The following PRKCE variants were observed in gnomAD, a reference collection of about 807,000 sequenced individuals.
PRKCE encodes protein kinase C epsilon.
A neutral mutation model predicts 85.4 loss-of-function variants in PRKCE; 16 were observed. The ratio of observed to expected loss-of-function variants is 0.19; its 90% CI spans 0.13 to 0.28. The LOEUF is 0.28. Ranked by LOEUF, PRKCE falls within the 10% of genes least tolerant of loss-of-function variation. The pLI is 1.00. For synonymous variants in PRKCE, 388 were observed against 371.5 expected, an observed-to-expected ratio of 1.04 and a Z score of -0.51; for missense variants, 573 against 975.2, an observed-to-expected ratio of 0.59 and a Z score of 5.49.
intron 10 of PRKCE, among the ~76,000 whole-genome samples, chr2:46,028,767 G>T (rs943343386): frequency 2.6e-5 from 4 of 152,116 alleles, no homozygotes; most frequent in African/African-American, 9.7e-5. Flanking sequence ...CATCACCCAG[G>T]TATTAAGCTT....
chr2:45,715,573 A>G (rs527656331), intron 1 of PRKCE, among the ~76,000 whole-genome samples: 1 of 152,344 alleles, frequency 6.6e-6, no homozygotes, highest in Non-Finnish European at 1.5e-5. Context: ...CATCTCTCCC[A>G]GAGACTTGGC....
At chr2:45,753,371 TGGA>T (rs566420764) in intron 1 of PRKCE, among the ~76,000 whole-genome samples, 124 of 152,364 alleles carry the variant, frequency 8.1e-4, no homozygotes, top group African/African-American at 2.8e-3. Flanking sequence ...AGAAGTTTTA[TGGA>T]GAACTTTACA....
At chr2:45,797,022 T>A (rs1055297581) in intron 1 of PRKCE, among the ~76,000 whole-genome samples, 2 of 152,178 alleles carry the variant, frequency 1.3e-5, no homozygotes, top group African/African-American at 4.8e-5. Context: ...TGAGACACAA[T>A]GGTACAAGAG....
chr2:45,690,125 G>A (rs1187852943), intron 1 of PRKCE, among the ~76,000 whole-genome samples: 2 of 152,120 alleles, frequency 1.3e-5, no homozygotes, highest in African/African-American at 4.8e-5. Flanking sequence ...ATATTGATCT[G>A]CTTTCTTCTT....
At chr2:45,925,818 G>A (rs1490090496) in intron 2 of PRKCE, among the ~76,000 whole-genome samples, 1 of 152,244 alleles carries the variant, frequency 6.6e-6, no homozygotes, top group Non-Finnish European at 1.5e-5. Flanking sequence ...CGTGGGCTGG[G>A]CAAACTCTGG....
intron 1 of PRKCE, among the ~76,000 whole-genome samples, chr2:45,743,674 G>T (rs182324195): frequency 1.3e-5 from 2 of 152,308 alleles, no homozygotes; most frequent in Non-Finnish European, 2.9e-5. Flanking sequence ...CGTATTGTGG[G>T]CGTGGGTATC....
chr2:46,143,281 C>T (rs1371613235), intron 11 of PRKCE, among the ~76,000 whole-genome samples: 1 of 152,002 alleles, frequency 6.6e-6, no homozygotes, highest in African/African-American at 2.4e-5. Flanking sequence ...TTAGTATCAC[C>T]ATTGTGCTGA....
At chr2:45,728,524 T>C (rs1365716860) in intron 1 of PRKCE, among the ~76,000 whole-genome samples, 6 of 152,144 alleles carry the variant, frequency 3.9e-5, no homozygotes, top group African/African-American at 1.4e-4. Flanking sequence ...GCAAGTGCTA[T>C]TGGGTGTCAT....
chr2:46,143,045 A>G (rs990589576), intron 11 of PRKCE, among the ~76,000 whole-genome samples: 12 of 152,182 alleles, frequency 7.9e-5, no homozygotes, highest in African/African-American at 2.7e-4. Context: ...GGATAAGCAC[A>G]CTGGCTTGCA....
chr2:45,683,603 A>C (rs1410705106), intron 1 of PRKCE, among the ~76,000 whole-genome samples: 1 of 152,234 alleles, frequency 6.6e-6, no homozygotes, highest in Non-Finnish European at 1.5e-5. Flanking sequence ...ATAGGATGGA[A>C]TGAAGTCTGA....
intron 1 of PRKCE, among the ~76,000 whole-genome samples, chr2:45,734,895 G>A (rs983109271): frequency 6.6e-6 from 1 of 152,244 alleles, no homozygotes; most frequent in Non-Finnish European, 1.5e-5. Context: ...AAATGAGACA[G>A]TTCTCCAAGT....
rs567507136 is a variant in PRKCE at position 45,962,808 on chromosome 2, G to A, written c.413-13621G>A. Among the ~76,000 whole-genome samples, 9 of 152,240 alleles carry A rather than the reference G, an allele frequency of 5.9e-5. No homozygotes were observed. In the South Asian group the frequency reaches 1.0e-3, roughly 18 times the overall value. Reference sequence around the variant, plus strand: ...GAGGCACTGTGCTGTGTGCATGTGCGTGTCAGAGCTCCTGAGCCCTGAAGG... The same window carrying A: ...GAGGCACTGTGCTGTGTGCATGTGCATGTCAGAGCTCCTGAGCCCTGAAGG... On this transcript the variant is annotated intron_variant, in intron 2 of 14. Coordinates refer to ENST00000306156, the MANE Select transcript of PRKCE (RefSeq NM_005400.3).
intron 2 of PRKCE, among the ~76,000 whole-genome samples, chr2:45,862,124 G>T (rs1265662674): frequency 6.6e-6 from 1 of 151,242 alleles, no homozygotes; most frequent in Non-Finnish European, 1.5e-5. Context: ...AACAATAACT[G>T]CCCTGGAGAA....
chr2:46,015,938 T>C (rs1298851579), intron 10 of PRKCE, among the ~76,000 whole-genome samples: 1 of 152,138 alleles, frequency 6.6e-6, no homozygotes, highest in Non-Finnish European at 1.5e-5. Flanking sequence ...ATGAGTTGGT[T>C]TGTGGGTCAG....
intron 2 of PRKCE, among the ~76,000 whole-genome samples, chr2:45,873,133 A>G (rs1694220866): frequency 6.6e-6 from 1 of 152,186 alleles, no homozygotes; most frequent in African/African-American, 2.4e-5. Flanking sequence ...TCTCACATAT[A>G]CACACTAGAC....
At position 46,145,468 on chromosome 2, in the gene PRKCE, C is replaced by T. The variant is rs1574591732; in HGVS notation, c.1731+237C>T. 6.6e-6 allele frequency among the ~76,000 whole-genome samples: 1 copy of T among 152,154 alleles called. No individual in the cohort carries two copies. The highest frequency in any genetic ancestry group is 2.1e-4 in the South Asian group (1 of 4,822). On this transcript the variant is annotated intron_variant, in intron 12 of 14. Transcript: ENST00000306156. The surrounding 1 kb of genome is among the most constrained non-coding windows in gnomAD (Gnocchi z 4.6). ...AGAGTAACAGGCTATTTCCCAAACCCGGGCAAGTTCACACTGAACATCTCT... is the reference window on the plus strand; with the variant it reads ...AGAGTAACAGGCTATTTCCCAAACCTGGGCAAGTTCACACTGAACATCTCT...
At chr2:45,987,230 G>T (rs1558924364) in intron 6 of PRKCE, among the ~76,000 whole-genome samples, 1 of 151,972 alleles carries the variant, frequency 6.6e-6, no homozygotes, top group African/African-American at 2.4e-5. Context: ...AAATGCTCTT[G>T]CCCCTGCTCA....
Position 46,010,439 on chromosome 2 carries a change from A to G in PRKCE, c.1359A>G (p.Thr453=). 6.3e-7 allele frequency: 1 copy of G among 1,599,708 alleles called. No individual in the cohort carries two copies. Among genetic ancestry groups the G allele is most frequent in the Non-Finnish European group, 8.5e-7 (1 of 1,179,938 alleles). ...TTCAGGATGATGACGTGGACTGCAC[A>G]ATGACAGAGAAGAGGATTTTGGCTC... is the stretch of plus-strand genomic sequence containing the variant. ...VILQDDDVDC[T]MTEKRILALA... is the part of the protein sequence containing the mutation. Residue 453 remains threonine (T), a synonymous_variant, in exon 10 of 15, where the codon ACA becomes ACG. Transcript: ENST00000306156.
At chr2:45,693,747 C>A (rs1335383131) in intron 1 of PRKCE, among the ~76,000 whole-genome samples, 1 of 152,052 alleles carries the variant, frequency 6.6e-6, no homozygotes, top group East Asian at 1.9e-4. Context: ...GGACCGTCAC[C>A]CCTGAGAGGT....
Sources: allele counts gnomAD v4.1 joint callset (sites outside exome capture counted in the v4.1 genomes callset), GRCh38; gene constraint gnomAD v4.1.1; non-coding constraint Gnocchi (gnomAD v3.1); transcripts MANE v1.5; gene names NCBI Gene and HGNC (gene_info 2026-07-23, HGNC 2026-07-21).